Variants in MCEMP1 observed in about 807,000 individuals in gnomAD.
The protein encoded by MCEMP1 is mast cell-expressed membrane protein 1.
Under a neutral mutation model 27.9 loss-of-function variants are expected in MCEMP1, and 17 were observed. The ratio of observed to expected loss-of-function variants is 0.61; its 90% CI spans 0.42 to 0.91. The LOEUF (loss-of-function observed/expected upper bound fraction) is 0.91, where lower values mean the gene tolerates loss of function less well. Among genes scored for constraint, MCEMP1 ranks in the 40% least tolerant of loss-of-function variants. The pLI is 0.00. For synonymous variants in MCEMP1, 88 were observed against 76.9 expected (o/e 1.14, Z -0.76); for missense variants, 200 against 204.8 (o/e 0.98, Z 0.14).
chr19:7,677,092 A>G lies in MCEMP1; in HGVS notation c.-29A>G, dbSNP rs1405136788. On this transcript the variant is annotated 5_prime_UTR_variant, in exon 1 of 7. Transcript: ENST00000333598. This position sits in a 1 kb window ranked among gnomAD's most constrained non-coding sequence, Gnocchi z 4.6. ...TGCGGGCTGGGGACCATGGAAGTGG[A>G]GGAAATCTACAAGCACCAGGAAGTC... The G allele has an allele frequency of 6.3e-7, 1 of 1,597,072 alleles. No individual in the cohort carries two copies. Among genetic ancestry groups the G allele is most frequent in the Admixed American group, 1.7e-5 (1 of 57,944 alleles).
rs542243352 is a variant in MCEMP1, at chr19:7,679,618, T to C, written c.*504T>C. 2 of 154,704 alleles carry C rather than the reference T, an allele frequency of 1.3e-5. No individual in the cohort carries two copies. Among genetic ancestry groups the C allele is most frequent in the Admixed American group, 6.5e-5 (1 of 15,324 alleles). The allele number at this position is 154,704 out of a possible 1,614,324, so 9.6% of individuals were successfully genotyped here. A position where few individuals can be genotyped will look rare whatever the true frequency, so the allele number is the denominator to read the frequency against. On this transcript the variant is annotated 3_prime_UTR_variant, in exon 7 of 7. Coordinates refer to ENST00000333598, the MANE Select transcript of MCEMP1 (RefSeq NM_174918.3). This position sits in a 1 kb window ranked among gnomAD's most constrained non-coding sequence, Gnocchi z 4.9. ...AGAGTATACTGCGGCGTGTTTTCTG[T>C]CTACCCATGTCATGGTGGGGGAGAT...
Position 7,679,089 on chromosome 19 carries a change from C to T in MCEMP1, c.509-9C>T. Reference sequence around the variant, plus strand: ...ATCTGCCTCACTGTGGGTCTCTCCCCATCCCCAGAGTCCTCACCTCAATAA... The same window carrying T: ...ATCTGCCTCACTGTGGGTCTCTCCCTATCCCCAGAGTCCTCACCTCAATAA... On this transcript the variant is annotated splice_polypyrimidine_tract_variant and intron_variant, in intron 6 of 6. Coordinates refer to ENST00000333598, the MANE Select transcript of MCEMP1 (RefSeq NM_174918.3). The surrounding 1 kb of genome is among the most constrained non-coding windows in gnomAD (Gnocchi z 4.9). The T allele has an allele frequency of 6.2e-7, 1 of 1,605,948 alleles. No homozygotes were observed.
chr19:7,679,017 G>A lies in MCEMP1; in HGVS notation c.508+34G>A. On this transcript the variant is annotated intron_variant, in intron 6 of 6. Coordinates refer to ENST00000333598, the MANE Select transcript of MCEMP1 (RefSeq NM_174918.3). This position sits in a 1 kb window ranked among gnomAD's most constrained non-coding sequence, Gnocchi z 4.9. ...GCGCCCCGACAGGAGGTGGAGGAGG[G>A]TGGGTGGGGCTTCAGATTTAGCCCC... 6.2e-7 allele frequency: 1 copy of A among 1,600,448 alleles called. No homozygotes were observed. Among genetic ancestry groups the A allele is most frequent in the Middle Eastern group, 1.7e-4 (1 of 5,980 alleles).
chr19:7,678,278 AGACTTTCTCCCTTGTC>A lies in MCEMP1; in HGVS notation c.283+38_283+53del. 1 of 1,613,966 alleles carries A rather than the reference AGACTTTCTCCCTTGTC, an allele frequency of 6.2e-7. No individual in the cohort carries two copies. The highest frequency in any genetic ancestry group is 2.2e-5 in the East Asian group (1 of 44,862). ...TTGGGAGGAGGGTGCTGGGGGGCCT[AGACTTTCTCCCTTGTC>A]CTTCTCTCTCTCTCTCCCTGGGTGC... On this transcript the variant is annotated intron_variant, in intron 3 of 6. Coordinates refer to ENST00000333598, the MANE Select transcript of MCEMP1 (RefSeq NM_174918.3). The surrounding 1 kb of genome is among the most constrained non-coding windows in gnomAD (Gnocchi z 4.8).
At position 7,679,227 on chromosome 19, in the gene MCEMP1, C is replaced by A; in HGVS notation, c.*113C>A. On this transcript the variant is annotated 3_prime_UTR_variant, in exon 7 of 7. Transcript: ENST00000333598. The surrounding 1 kb of genome is among the most constrained non-coding windows in gnomAD (Gnocchi z 4.9). ...AGCCTAGTGTGAACCTGCCCCTCGTCCCACGTATAGAAAAACCTCGAGTCA... is the reference window on the plus strand; with the variant it reads ...AGCCTAGTGTGAACCTGCCCCTCGTACCACGTATAGAAAAACCTCGAGTCA... The A allele has an allele frequency of 7.8e-7, 1 of 1,288,586 alleles. No individual in the cohort carries two copies. Among genetic ancestry groups the A allele is most frequent in the Non-Finnish European group, 1.1e-6 (1 of 949,282 alleles). The allele number at this position is 1,288,586 out of a possible 1,614,324, so 79.8% of individuals were successfully genotyped here.
In MCEMP1 at chr19:7,677,826, A is replaced by G; in HGVS notation, c.145+100A>G. Reference sequence around the variant, plus strand: ...GGGGCTGCGTGGAAGGGAGGAAGCGATGGGGAAGGAAGAGGTGACAGCTGT... The same window carrying G: ...GGGGCTGCGTGGAAGGGAGGAAGCGGTGGGGAAGGAAGAGGTGACAGCTGT... On this transcript the variant is annotated intron_variant, in intron 2 of 6. Transcript: ENST00000333598. The surrounding 1 kb of genome is among the most constrained non-coding windows in gnomAD (Gnocchi z 4.6). The G allele has an allele frequency of 8.2e-7, 1 of 1,219,454 alleles. No individual in the cohort carries two copies. The highest frequency in any genetic ancestry group is 1.1e-6 in the Non-Finnish European group (1 of 871,424). 75.5% of individuals were successfully genotyped at this position (1,219,454 alleles called of 1,614,324 possible).
Position 7,679,450 on chromosome 19 carries a change from T to C in MCEMP1, c.*336T>C. 2.9e-6 allele frequency: 1 copy of C among 340,294 alleles called. No individual in the cohort carries two copies. The highest frequency in any genetic ancestry group is 5.4e-6 in the Non-Finnish European group (1 of 186,476). 21.1% of individuals were successfully genotyped at this position (340,294 alleles called of 1,614,324 possible). ...AGAGTCACAGTGAATGTGGCATGCA[T>C]GCCTGTGTCATGTGACATATGTGAG... On this transcript the variant is annotated 3_prime_UTR_variant, in exon 7 of 7. Transcript: ENST00000333598. This position sits in a 1 kb window ranked among gnomAD's most constrained non-coding sequence, Gnocchi z 4.9.
rs1218035908 is a variant in MCEMP1, at chr19:7,677,242, C to T, written c.55+67C>T. 9.2e-6 allele frequency: 13 copies of T among 1,408,022 alleles called. No homozygotes were observed. The Admixed American group carries it at 2.2e-4, about 24-fold the overall frequency. The allele number at this position is 1,408,022 out of a possible 1,614,324, so 87.2% of individuals were successfully genotyped here. ...GATTGGGGGGCCGGGGGCTTTTGCT[C>T]ATGTCTGTAATCCTAGCACTTTGGG... On this transcript the variant is annotated intron_variant, in intron 1 of 6. Coordinates refer to ENST00000333598, the MANE Select transcript of MCEMP1 (RefSeq NM_174918.3). The surrounding 1 kb of genome is among the most constrained non-coding windows in gnomAD (Gnocchi z 4.6).
rs1232781798 is a variant in MCEMP1 at position 7,677,210 on chromosome 19, A to G, written c.55+35A>G. 1.3e-6 allele frequency: 2 copies of G among 1,536,494 alleles called. No individual in the cohort carries two copies. The highest frequency in any genetic ancestry group is 3.9e-5 in the Admixed American group (2 of 51,736). On this transcript the variant is annotated intron_variant, in intron 1 of 6. Coordinates refer to ENST00000333598, the MANE Select transcript of MCEMP1 (RefSeq NM_174918.3). This position sits in a 1 kb window ranked among gnomAD's most constrained non-coding sequence, Gnocchi z 4.6. The stretch of plus-strand genomic sequence containing the variant: ...CTCGAGGTGGAAGGGAGGGGTTAAG[A>G]AGGAGAGATTGGGGGGCCGGGGGCT...
At position 7,678,211 on chromosome 19, in the gene MCEMP1, A is replaced by G; in HGVS notation, c.253A>G (p.Ile85Val). 1.2e-6 allele frequency: 2 copies of G among 1,614,082 alleles called. No homozygotes were observed. The highest frequency in any genetic ancestry group is 1.7e-5 in the Admixed American group (1 of 60,022). The change falls in exon 3 of 7, where the codon ATC becomes GTC. Residue 85 changes from isoleucine (I) to valine (V), a missense_variant. Coordinates refer to ENST00000333598, the MANE Select transcript of MCEMP1 (RefSeq NM_174918.3). The surrounding 1 kb of genome is among the most constrained non-coding windows in gnomAD (Gnocchi z 4.8). ...CCTGGCCCTGGCCTTTGTCCTCTGC[A>G]TCATCCTGTCAGCCTTCATCATGGT... ...ILLALAFVLC[I>V]ILSAFIMVKN... is the part of the protein sequence containing the mutation.
Position 7,678,142 on chromosome 19 carries a change from G to T in MCEMP1, c.184G>T (p.Val62Phe), listed in dbSNP as rs1174283111. The change falls in exon 3 of 7, where the codon GTC (valine) becomes TTC (phenylalanine). Residue 62 changes from valine to phenylalanine, a missense_variant. Transcript: ENST00000333598. This position sits in a 1 kb window ranked among gnomAD's most constrained non-coding sequence, Gnocchi z 4.8. ...CAGGCCGCCCTCAGACTCCACCCAG[G>T]TCCCCTGCTGGTTGTACAGAGCCAT... ...QCRPPSDSTQ[V>F]PCWLYRAILS... 2 of 1,613,254 alleles carry T rather than the reference G, an allele frequency of 1.2e-6. No individual in the cohort carries two copies. Among genetic ancestry groups the T allele is most frequent in the Admixed American group, 3.3e-5 (2 of 59,932 alleles).
Position 7,679,136 on chromosome 19 carries a change from C to T in MCEMP1, c.*22C>T. On this transcript the variant is annotated 3_prime_UTR_variant, in exon 7 of 7. Transcript: ENST00000333598. This position sits in a 1 kb window ranked among gnomAD's most constrained non-coding sequence, Gnocchi z 4.9. ...ATAAATGAGAGGACATTGTGGCAGC[C>T]AAAGCCACAACTTGGAAGATGGGGC... 1 of 1,582,594 alleles carries T rather than the reference C, an allele frequency of 6.3e-7. No homozygotes were observed. Among genetic ancestry groups the T allele is most frequent in the Non-Finnish European group, 8.6e-7 (1 of 1,162,142 alleles).
rs756705500 is a variant in MCEMP1 at position 7,678,089 on chromosome 19, G to C, written c.146-15G>C. ...GCTGGCCCCTCAAGGTCACTTTGCT[G>C]CCTCTTTGCTCCAGTCCCAGCCCAG... On this transcript the variant is annotated splice_polypyrimidine_tract_variant and intron_variant, in intron 2 of 6. Coordinates refer to ENST00000333598, the MANE Select transcript of MCEMP1 (RefSeq NM_174918.3). The surrounding 1 kb of genome is among the most constrained non-coding windows in gnomAD (Gnocchi z 4.8). 6 of 1,577,444 alleles carry C rather than the reference G, an allele frequency of 3.8e-6. No homozygotes were observed. The highest frequency in any genetic ancestry group is 1.2e-5 in the South Asian group (1 of 85,184).
chr19:7,679,278 T>G lies in MCEMP1; in HGVS notation c.*164T>G, dbSNP rs2146255726. Reference sequence around the variant, plus strand: ...TGGTGAATGAGTGTCTCGGAGTTGCTCGTGTGTGTGTACACCTGCGTGCGT... The same window carrying G: ...TGGTGAATGAGTGTCTCGGAGTTGCGCGTGTGTGTGTACACCTGCGTGCGT... On this transcript the variant is annotated 3_prime_UTR_variant, in exon 7 of 7. Transcript: ENST00000333598. This position sits in a 1 kb window ranked among gnomAD's most constrained non-coding sequence, Gnocchi z 4.9. 1 of 875,562 alleles carries G rather than the reference T, an allele frequency of 1.1e-6. No homozygotes were observed. Among genetic ancestry groups the G allele is most frequent in the South Asian group, 1.8e-5 (1 of 55,478 alleles). The allele number at this position is 875,562 out of a possible 1,614,324, so 54.2% of individuals were successfully genotyped here.
In MCEMP1 at chr19:7,679,334, A is replaced by C; in HGVS notation, c.*220A>C. 3.4e-6 allele frequency: 2 copies of C among 594,586 alleles called. No homozygotes were observed. Among genetic ancestry groups the C allele is most frequent in the Non-Finnish European group, 5.9e-6 (2 of 340,134 alleles). 36.8% of individuals were successfully genotyped at this position (594,586 alleles called of 1,614,324 possible). A position where few individuals can be genotyped will look rare whatever the true frequency, so the allele number is the denominator to read the frequency against. ...TGCGTGTGTGCGCGTGTGTTCGTGT[A>C]TGTGCGTGTGTGCGTGCGCGTGTGT... is the stretch of plus-strand genomic sequence containing the variant. On this transcript the variant is annotated 3_prime_UTR_variant, in exon 7 of 7. Coordinates refer to ENST00000333598, the MANE Select transcript of MCEMP1 (RefSeq NM_174918.3). This position sits in a 1 kb window ranked among gnomAD's most constrained non-coding sequence, Gnocchi z 4.9.
In MCEMP1 at chr19:7,679,479, C is replaced by A; in HGVS notation, c.*365C>A. On this transcript the variant is annotated 3_prime_UTR_variant, in exon 7 of 7. Transcript: ENST00000333598. The surrounding 1 kb of genome is among the most constrained non-coding windows in gnomAD (Gnocchi z 4.9). ...TGTGTCATGTGACATATGTGAGTCT[C>A]GGCATGTCACGGTGGGTGGCTGTGT... 3.9e-6 allele frequency: 1 copy of A among 256,778 alleles called. No individual in the cohort carries two copies. The allele number at this position is 256,778 out of a possible 1,614,324, so 15.9% of individuals were successfully genotyped here. A position where few individuals can be genotyped will look rare whatever the true frequency, so the allele number is the denominator to read the frequency against.
chr19:7,679,217 T>G lies in MCEMP1; in HGVS notation c.*103T>G. 1 of 1,255,576 alleles carries G rather than the reference T, an allele frequency of 8.0e-7. No individual in the cohort carries two copies. The highest frequency in any genetic ancestry group is 1.1e-6 in the Non-Finnish European group (1 of 939,892). 77.8% of individuals were successfully genotyped at this position (1,255,576 alleles called of 1,614,324 possible). On this transcript the variant is annotated 3_prime_UTR_variant, in exon 7 of 7. Transcript: ENST00000333598. This position sits in a 1 kb window ranked among gnomAD's most constrained non-coding sequence, Gnocchi z 4.9. ...CCCCCCCCCCAGCCTAGTGTGAACC[T>G]GCCCCTCGTCCCACGTATAGAAAAA...
At position 7,678,633 on chromosome 19, in the gene MCEMP1, G is replaced by C. The variant is rs368138357; in HGVS notation, c.448+29G>C. 20 of 1,583,410 alleles carry C rather than the reference G, an allele frequency of 1.3e-5. No individual in the cohort carries two copies. Among genetic ancestry groups the C allele is most frequent in the Non-Finnish European group, 1.6e-5 (19 of 1,155,446 alleles). ...CCTGTGTAGTCTCGCCTTCTATGGG[G>C]GTTATTTGTCACCAATGCCCGGAGC... On this transcript the variant is annotated intron_variant, in intron 5 of 6. Transcript: ENST00000333598. This position sits in a 1 kb window ranked among gnomAD's most constrained non-coding sequence, Gnocchi z 4.8.
In MCEMP1 at chr19:7,677,359, AAAG is replaced by A. The variant is rs970637107; in HGVS notation, c.55+188_55+190del. On this transcript the variant is annotated intron_variant, in intron 1 of 6. Transcript: ENST00000333598. The surrounding 1 kb of genome is among the most constrained non-coding windows in gnomAD (Gnocchi z 4.6). The stretch of plus-strand genomic sequence containing the variant: ...CTGTCTGTAAAAAATAAAAATAAAA[AAAG>A]AAGGAGAGTTCAGATGGGAGAGGTA... Among the ~76,000 whole-genome samples, 7 of 149,036 alleles carry A rather than the reference AAAG, an allele frequency of 4.7e-5. No individual in the cohort carries two copies. The highest frequency in any genetic ancestry group is 6.7e-5 in the Admixed American group (1 of 14,974).
Sources: allele counts gnomAD v4.1 joint callset (sites outside exome capture counted in the v4.1 genomes callset), GRCh38; gene constraint gnomAD v4.1.1; non-coding constraint Gnocchi (gnomAD v3.1); transcripts MANE v1.5; gene names NCBI Gene and HGNC (gene_info 2026-07-23, HGNC 2026-07-21).